BCL7A: variants seen among roughly 807,000 people sequenced by gnomAD.
BCL7A encodes B-cell CLL/lymphoma 7 protein family member A.
In BCL7A, 11 loss-of-function variants were observed where a neutral mutation model predicts 28.4. The ratio of observed to expected loss-of-function variants is 0.39; its 90% CI spans 0.24 to 0.64. BCL7A has a LOEUF of 0.64. Ranked by LOEUF, BCL7A falls within the 30% of genes least tolerant of loss-of-function variation. The pLI is 0.50. For missense variants in BCL7A, 222 were observed against 274.8 expected (o/e 0.81, Z 1.36); for synonymous variants, 123 against 103.3 (o/e 1.19, Z -1.15).
At chr12:122,023,727 T>G (rs572711408) in intron 1 of BCL7A, among the ~76,000 whole-genome samples, 1 of 152,186 alleles carries the variant, frequency 6.6e-6, no homozygotes, top group Admixed American at 6.5e-5. Context: ...ACTGGAGCCA[T>G]TTAAAAATGG....
At chr12:122,034,056 T>C (rs147203669) in intron 2 of BCL7A, among the ~76,000 whole-genome samples, 6,642 of 150,382 alleles carry the variant, frequency 0.044, 228 homozygotes, top group Non-Finnish European at 0.067. Context: ...GTTGCCAGGT[T>C]TTGTTTATCC....
intron 4 of BCL7A, among the ~76,000 whole-genome samples, chr12:122,044,732 G>A (rs1011849069): frequency 3.3e-5 from 5 of 151,076 alleles, no homozygotes; most frequent in African/African-American, 4.9e-5. Flanking sequence ...AGGCTGAGGC[G>A]GGAGTATCCC....
At chr12:122,025,957 A>T (rs1883619256) in intron 1 of BCL7A, among the ~76,000 whole-genome samples, 1 of 150,174 alleles carries the variant, frequency 6.7e-6, no homozygotes, top group Non-Finnish European at 1.5e-5. Context: ...AAAAAAAAAA[A>T]AAAAAAAAAA....
At position 122,021,924 on chromosome 12, in the gene BCL7A, G is replaced by GGGGA; in HGVS notation, c.-168_-167insGGGA. 1 of 433,282 alleles carries GGGGA rather than the reference G, an allele frequency of 2.3e-6. No individual in the cohort carries two copies. The highest frequency in any genetic ancestry group is 4.1e-6 in the Non-Finnish European group (1 of 244,470). The allele number at this position is 433,282 out of a possible 1,614,324, so 26.8% of individuals were successfully genotyped here. A position where few individuals can be genotyped will look rare whatever the true frequency, so the allele number is the denominator to read the frequency against. Reference sequence around the variant, plus strand: ...CGCGGCGGCCCCGGGCTTTGTGTGTGTGTGTATGTGTGTGTGTGTGTGTGT... The same window carrying GGGGA: ...CGCGGCGGCCCCGGGCTTTGTGTGTGGGGATGTGTATGTGTGTGTGTGTGTGTGT... On this transcript the variant is annotated 5_prime_UTR_variant, in exon 1 of 6. It adds an upstream start codon to the 5' untranslated region. Transcript: ENST00000261822.
At chr12:122,053,693 C>T (rs543524148) in intron 4 of BCL7A, among the ~76,000 whole-genome samples, 6 of 144,446 alleles carry the variant, frequency 4.2e-5, no homozygotes, top group African/African-American at 1.5e-4. Context: ...ACCCACCCCC[C>T]CGCCCCATCC....
intron 4 of BCL7A, among the ~76,000 whole-genome samples, chr12:122,046,024 C>T (rs1173370241): frequency 1.5e-5 from 2 of 137,248 alleles, no homozygotes; most frequent in African/African-American, 5.4e-5. Context: ...GCCATGATTG[C>T]ACCACTCCAG....
At chr12:122,046,576 A>G (rs1884080864) in intron 4 of BCL7A, among the ~76,000 whole-genome samples, 1 of 152,222 alleles carries the variant, frequency 6.6e-6, no homozygotes, top group Admixed American at 6.5e-5. Context: ...CGAAGGACTC[A>G]TTGGCAGAGA....
chr12:122,046,537 T>G (rs1348325831), intron 4 of BCL7A, among the ~76,000 whole-genome samples: 1 of 152,028 alleles, frequency 6.6e-6, no homozygotes, highest in Non-Finnish European at 1.5e-5. Flanking sequence ...CAAGAACCCA[T>G]AGGTCAGCAG....
intron 3 of BCL7A, among the ~76,000 whole-genome samples, chr12:122,041,623 A>T (rs12818571): frequency 6.6e-6 from 1 of 152,042 alleles, no homozygotes. Context: ...AATTAGCCAG[A>T]TGCAGTGGCA....
Position 122,061,920 on chromosome 12 carries a change from A to G in BCL7A, c.*2757A>G. 1 of 212,134 alleles carries G rather than the reference A, an allele frequency of 4.7e-6. No homozygotes were observed. The highest frequency in any genetic ancestry group is 9.5e-6 in the Non-Finnish European group (1 of 104,898). The allele number at this position is 212,134 out of a possible 1,614,324, so 13.1% of individuals were successfully genotyped here. ...TTACCTAATTTTTTCCCCTTTCAAGAATTTTTTTTTTTTTTGGTGTGTTGT... is the reference window on the plus strand; with the variant it reads ...TTACCTAATTTTTTCCCCTTTCAAGGATTTTTTTTTTTTTTGGTGTGTTGT... On this transcript the variant is annotated 3_prime_UTR_variant, in exon 6 of 6. Transcript: ENST00000261822.
At chr12:122,026,970 TC>T (rs1181830413) in intron 1 of BCL7A, among the ~76,000 whole-genome samples, 1 of 152,204 alleles carries the variant, frequency 6.6e-6, no homozygotes, top group East Asian at 1.9e-4. Flanking sequence ...CCTCATTTTT[TC>T]CTTTCCTCCC....
At position 122,060,207 on chromosome 12, in the gene BCL7A, C is replaced by A. The variant is rs2135864959; in HGVS notation, c.*1044C>A. ...CTGCTGCCCTTTGCCTCCCCCGACG[C>A]CCCAGCCTGTGCCCCGGAGAGGCAG... On this transcript the variant is annotated 3_prime_UTR_variant, in exon 6 of 6. Transcript: ENST00000261822. The A allele has an allele frequency of 4.3e-6, 1 of 233,086 alleles. No homozygotes were observed. The highest frequency in any genetic ancestry group is 6.1e-5 in the East Asian group (1 of 16,494). The allele number at this position is 233,086 out of a possible 1,614,324, so 14.4% of individuals were successfully genotyped here. A position where few individuals can be genotyped will look rare whatever the true frequency, so the allele number is the denominator to read the frequency against.
chr12:122,035,616 G>C (rs993674059), intron 3 of BCL7A, among the ~76,000 whole-genome samples, 189 bp downstream of exon 3: 5 of 152,212 alleles, frequency 3.3e-5, no homozygotes, highest in African/African-American at 1.2e-4. Flanking sequence ...TTTTCCCAGC[G>C]TACCAAGCCA....
chr12:122,043,792 G>T (rs569373648), intron 3 of BCL7A, 94 bp from the exon 4 acceptor site: 3 of 1,324,880 alleles, frequency 2.3e-6, no homozygotes, highest in African/African-American at 3.0e-5. Context: ...ATGGGGTTCC[G>T]GGCATTGAGG....
At chr12:122,024,636 A>G (rs2135836541) in intron 1 of BCL7A, among the ~76,000 whole-genome samples, 1 of 152,176 alleles carries the variant, frequency 6.6e-6, no homozygotes, top group East Asian at 1.9e-4. Context: ...CATGCATTTC[A>G]CCACTGGTGG....
intron 4 of BCL7A, among the ~76,000 whole-genome samples, chr12:122,051,198 C>T (rs1884184887): frequency 6.6e-6 from 1 of 151,994 alleles, no homozygotes; most frequent in Non-Finnish European, 1.5e-5. Context: ...GGGACCTCCA[C>T]CAGGGTCCTC....
chr12:122,043,216 C>A (rs797000238), intron 3 of BCL7A, among the ~76,000 whole-genome samples: 20 of 152,236 alleles, frequency 1.3e-4, no homozygotes, highest in African/African-American at 4.6e-4. Flanking sequence ...GCCAGACACA[C>A]AAGACGTCTG....
chr12:122,025,370 A>T (rs550891788), intron 1 of BCL7A, among the ~76,000 whole-genome samples: 3 of 152,226 alleles, frequency 2.0e-5, no homozygotes, highest in South Asian at 2.1e-4. Context: ...TCACGCCTGT[A>T]ATTTCAGCAC....
At chr12:122,047,048 C>T (rs543285743) in intron 4 of BCL7A, among the ~76,000 whole-genome samples, 3 of 151,780 alleles carry the variant, frequency 2.0e-5, no homozygotes, top group Admixed American at 6.6e-5. Context: ...GGTTTACAGG[C>T]GTGCACCACC....
Sources: allele counts gnomAD v4.1 joint callset (sites outside exome capture counted in the v4.1 genomes callset), GRCh38; gene constraint gnomAD v4.1.1; transcripts MANE v1.5; gene names NCBI Gene and HGNC (gene_info 2026-07-23, HGNC 2026-07-21).